The following DENND2B variants were observed in gnomAD, a reference collection of about 807,000 sequenced individuals.
DENND2B encodes DENN domain containing 2B, also known as DENN domain-containing protein 2B.
A neutral mutation model predicts 116.0 loss-of-function variants in DENND2B; 32 were observed. The ratio of observed to expected loss-of-function variants is 0.28; its 90% CI spans 0.21 to 0.37. The LOEUF is 0.37. DENND2B is among the 10% of genes least tolerant of loss of function. The pLI is 1.00. For missense variants in DENND2B, 1,276 were observed against 1,477.7 expected (o/e 0.86, Z 2.24); for synonymous variants, 588 against 583.9 (o/e 1.01, Z -0.10).
In DENND2B at chr11:8,696,624, C is replaced by A. The variant is rs748649616; in HGVS notation, c.3095G>T (p.Arg1032Leu). 6.2e-7 allele frequency: 1 copy of A among 1,614,120 alleles called. No homozygotes were observed. Among genetic ancestry groups the A allele is most frequent in the Non-Finnish European group, 8.5e-7 (1 of 1,180,028 alleles). The change falls in exon 18 of 20, where the codon CGG becomes CTG. Residue 1032 changes from arginine (R) to leucine (L), a missense_variant. Transcript: ENST00000313726. ...GTGCCCAACGGTCTCCACAAAGAAC[C>A]GGATAAACACCTCCGACACCAGCCC... ...LNGLVSEVFI[R>L]FFVETVGHYS...
intron 1 of DENND2B, among the ~76,000 whole-genome samples, chr11:8,886,263 T>C (rs528928261): frequency 6.6e-6 from 1 of 152,334 alleles, no homozygotes; most frequent in East Asian, 1.9e-4. Flanking sequence ...TACATCTTAT[T>C]AGGTTAACTT....
At chr11:8,843,297 C>T (rs1404568104) in intron 3 of DENND2B, among the ~76,000 whole-genome samples, 7 of 152,238 alleles carry the variant, frequency 4.6e-5, no homozygotes, top group African/African-American at 1.4e-4. Flanking sequence ...CGCGAGCCAC[C>T]GTGCCCGGCC....
At position 8,712,780 on chromosome 11, in the gene DENND2B, A is replaced by C; in HGVS notation, c.1988-45T>G. 18 of 1,567,068 alleles carry C rather than the reference A, an allele frequency of 1.1e-5. No individual in the cohort carries two copies. Among genetic ancestry groups the C allele is most frequent in the Admixed American group, 1.8e-5 (1 of 56,380 alleles). On this transcript the variant is annotated intron_variant, in intron 8 of 19. Coordinates refer to ENST00000313726, the MANE Select transcript of DENND2B (RefSeq NM_213618.2). This position sits in a 1 kb window ranked among gnomAD's most constrained non-coding sequence, Gnocchi z 4.4. ...CAGGGAATGGACCCTCACAGGCCTC[A>C]TGTTAACTCCTCTACCCCTGGCTCA...
At chr11:8,718,196 C>T in intron 4 of DENND2B, 1 of 748,800 alleles carries the variant, frequency 1.3e-6, no homozygotes. Context: ...CCACCCCTGC[C>T]TGTGCCCAGC....
intron 1 of DENND2B, among the ~76,000 whole-genome samples, chr11:8,795,427 A>G (rs1006409312): frequency 1.3e-5 from 2 of 152,062 alleles, no homozygotes; most frequent in Non-Finnish European, 2.9e-5. Context: ...TCACTTCCAA[A>G]CTTGTTAAAA....
intron 2 of DENND2B, among the ~76,000 whole-genome samples, chr11:8,748,365 G>A (rs1256969216): frequency 6.6e-6 from 1 of 152,234 alleles, no homozygotes; most frequent in Admixed American, 6.5e-5. Flanking sequence ...TTGCCCTCCA[G>A]TGCCCAGCAC....
intron 1 of DENND2B, among the ~76,000 whole-genome samples, chr11:8,885,953 G>C: frequency 6.6e-6 from 1 of 151,560 alleles, no homozygotes; most frequent in East Asian, 1.9e-4. Context: ...ACTTTTTTCG[G>C]GGGGAGAACA....
intron 4 of DENND2B, among the ~76,000 whole-genome samples, chr11:8,818,540 C>T (rs1168450554): frequency 6.6e-6 from 1 of 152,026 alleles, no homozygotes. Flanking sequence ...ACTGTGCCAA[C>T]CTCCTCAATC....
chr11:8,765,201 GAGAA>G (rs1487644323), intron 1 of DENND2B, among the ~76,000 whole-genome samples: 1 of 152,174 alleles, frequency 6.6e-6, no homozygotes, highest in African/African-American at 2.4e-5. Context: ...TGAGACTGCA[GAGAA>G]AGAGTCTGTC....
intron 2 of DENND2B, among the ~76,000 whole-genome samples, chr11:8,879,868 T>C (rs1376369567): frequency 6.6e-6 from 1 of 152,178 alleles, no homozygotes; most frequent in East Asian, 1.9e-4. Flanking sequence ...ACATGCTTAG[T>C]GAATTCAAAT....
At chr11:8,857,043 G>A (rs1376023559) in intron 3 of DENND2B, among the ~76,000 whole-genome samples, 1 of 152,064 alleles carries the variant, frequency 6.6e-6, no homozygotes, top group African/African-American at 2.4e-5. Context: ...ATGAGCCACT[G>A]CACTTAGCCC....
chr11:8,694,540 G>A, intron 19 of DENND2B: 1 of 459,926 alleles, frequency 2.2e-6, no homozygotes, highest in South Asian at 1.6e-5. Flanking sequence ...AGTGCAAACA[G>A]AAAGACCTGA....
chr11:8,740,746 T>C (rs1286281564), intron 2 of DENND2B, among the ~76,000 whole-genome samples: 10 of 152,120 alleles, frequency 6.6e-5, no homozygotes, highest in Admixed American at 6.5e-4. Context: ...GCCTGGAAGG[T>C]GGCCGGCCAT....
chr11:8,716,193 A>G (rs1182086485), intron 5 of DENND2B, among the ~76,000 whole-genome samples: 1 of 152,166 alleles, frequency 6.6e-6, no homozygotes, highest in Non-Finnish European at 1.5e-5. Flanking sequence ...TCTGCTCCCG[A>G]GCCAATCCTA....
In DENND2B at chr11:8,699,340, G is replaced by C; in HGVS notation, c.2771C>G (p.Ser924Cys). The C allele has an allele frequency of 6.2e-7, 1 of 1,608,628 alleles. No homozygotes were observed. The highest frequency in any genetic ancestry group is 8.5e-7 in the Non-Finnish European group (1 of 1,178,750). Reference sequence around the variant, plus strand: ...GACAGGAATGAAGGTGTGCTGCCAGGAGAAGGGGTAGAGCAAGGCCACCAC... The same window carrying C: ...GACAGGAATGAAGGTGTGCTGCCAGCAGAAGGGGTAGAGCAAGGCCACCAC... ...HAVVALLYPF[S>C]WQHTFIPVLP... Residue 924 changes from serine (S) to cysteine (C), a missense_variant, in exon 15 of 20, where the codon TCC becomes TGC. Transcript: ENST00000313726.
chr11:8,806,581 T>C (rs2060856618), intron 1 of DENND2B, among the ~76,000 whole-genome samples: 2 of 67,330 alleles, frequency 3.0e-5, no homozygotes, highest in Non-Finnish European at 3.3e-5. Context: ...TCTAGACTCA[T>C]TTAACACCCT....
chr11:8,806,639 C>CACACACACACACACACAT, intron 1 of DENND2B, among the ~76,000 whole-genome samples: 1 of 147,776 alleles, frequency 6.8e-6, no homozygotes, highest in South Asian at 2.2e-4. Context: ...CACACACACA[C>CACACACACACACACACAT]CCAGGAGAGC....
At chr11:8,760,441 G>C (rs1004246432) in intron 1 of DENND2B, among the ~76,000 whole-genome samples, 2 of 152,148 alleles carry the variant, frequency 1.3e-5, no homozygotes, top group Non-Finnish European at 2.9e-5. Flanking sequence ...AACAGAGCGA[G>C]ACCCTGTCTT....
intron 1 of DENND2B, among the ~76,000 whole-genome samples, chr11:8,904,087 C>G (rs866949157): frequency 6.6e-6 from 1 of 152,056 alleles, no homozygotes; most frequent in South Asian, 2.1e-4. Flanking sequence ...TTCTATAAGG[C>G]CAATATTATC....
Sources: allele counts gnomAD v4.1 joint callset (sites outside exome capture counted in the v4.1 genomes callset), GRCh38; gene constraint gnomAD v4.1.1; non-coding constraint Gnocchi (gnomAD v3.1); transcripts MANE v1.5; gene names NCBI Gene and HGNC (gene_info 2026-07-23, HGNC 2026-07-21).